DIAPH1: variants seen among roughly 807,000 people sequenced by gnomAD.
The protein encoded by DIAPH1 is protein diaphanous homolog 1.
DIAPH1 carries 46 observed loss-of-function variants against 140.7 expected under a neutral mutation model. That is an observed-to-expected ratio of 0.33 (90% CI 0.26 to 0.42). The LOEUF (loss-of-function observed/expected upper bound fraction) is 0.42. DIAPH1 is among the 10% of genes least tolerant of loss of function. The probability of loss-of-function intolerance (pLI) is 1.00; values close to 1 mark genes in which losing one functional copy is unlikely to be tolerated. For missense variants in DIAPH1, 1,310 were observed against 1,558.7 expected (o/e 0.84, Z 2.69); for synonymous variants, 565 against 551.6 (o/e 1.02, Z -0.34).
chr5:141,531,546 G>A (rs774224792), intron 19 of DIAPH1, among the ~76,000 whole-genome samples: 1 of 152,050 alleles, frequency 6.6e-6, no homozygotes, highest in Admixed American at 6.6e-5. Context: ...GGTGTGCAAC[G>A]GCATGGTGTT....
intron 1 of DIAPH1, among the ~76,000 whole-genome samples, chr5:141,590,691 C>T (rs1223966983): frequency 2.0e-5 from 3 of 151,120 alleles, no homozygotes; most frequent in East Asian, 3.9e-4. Flanking sequence ...ACAGAACCTG[C>T]GTCTAAAGAA....
chr5:141,617,097 G>A (rs1397858882), intron 1 of DIAPH1, among the ~76,000 whole-genome samples: 1 of 152,040 alleles, frequency 6.6e-6, no homozygotes, highest in Non-Finnish European at 1.5e-5. Context: ...ATTTGGGTGA[G>A]GAAGGTCAAA....
rs573687016 is a variant in DIAPH1 at position 141,546,107 on chromosome 5, G to A, written c.2483-11674C>T. ...AAAACATATGAGACTCTGGGGCCGG[G>A]CACAGTGGCTCATGCCTGTATCCCA... On this transcript the variant is annotated intron_variant, in intron 18 of 27. Coordinates refer to ENST00000389054, the MANE Select transcript of DIAPH1 (RefSeq NM_005219.5). Among the ~76,000 whole-genome samples, 41 of 152,290 alleles carry A rather than the reference G, an allele frequency of 2.7e-4. No individual in the cohort carries two copies. The South Asian group carries it at 6.2e-3, about 23-fold the overall frequency.
intron 13 of DIAPH1, 52 bp from the exon 14 acceptor site, chr5:141,576,346 T>G: frequency 9.1e-6 from 12 of 1,312,794 alleles, no homozygotes; most frequent in Non-Finnish European, 1.3e-5. Context: ...TTGTTCTATT[T>G]CTTTCACACT....
chr5:141,519,077 C>CGA, intron 27 of DIAPH1: 1 of 1,303,618 alleles, frequency 7.7e-7, no homozygotes, highest in Non-Finnish European at 1.1e-6. Flanking sequence ...GGTATGTGCC[C>CGA]GAGACTGTGG....
At position 141,600,395 on chromosome 5, in the gene DIAPH1, T is replaced by G. The variant is rs1252837917; in HGVS notation, c.118-12145A>C. Reference sequence around the variant, plus strand: ...CCCAGATACACAATCCATGCCAAACTTCTGACCAACAGAACTATGAGCTAA... The same window carrying G: ...CCCAGATACACAATCCATGCCAAACGTCTGACCAACAGAACTATGAGCTAA... On this transcript the variant is annotated intron_variant, in intron 1 of 27. Transcript: ENST00000389054. Among the ~76,000 whole-genome samples, 3 of 152,210 alleles carry G rather than the reference T, an allele frequency of 2.0e-5. No individual in the cohort carries two copies. In the East Asian group the frequency reaches 5.8e-4, roughly 29 times the overall value.
intron 6 of DIAPH1, among the ~76,000 whole-genome samples, chr5:141,582,797 C>T (rs1332655991): frequency 6.6e-6 from 1 of 152,058 alleles, no homozygotes; most frequent in African/African-American, 2.4e-5. Flanking sequence ...TTCAAGGTAG[C>T]CTAAGAGAGT....
In DIAPH1 at chr5:141,540,170, G is replaced by A. The variant is rs112325172; in HGVS notation, c.2483-5737C>T. Among the ~76,000 whole-genome samples, 29 of 151,852 alleles carry A rather than the reference G, an allele frequency of 1.9e-4. No individual in the cohort carries two copies. The East Asian group carries it at 4.3e-3, about 22-fold the overall frequency. Reference sequence around the variant, plus strand: ...CTTGCTCTGTCACCCAGGCTAGAGCGCAGTGACATGATCTCAGCCCACTGC... The same window carrying A: ...CTTGCTCTGTCACCCAGGCTAGAGCACAGTGACATGATCTCAGCCCACTGC... On this transcript the variant is annotated intron_variant, in intron 18 of 27. Transcript: ENST00000389054.
chr5:141,594,536 G>T (rs13154666), intron 1 of DIAPH1, among the ~76,000 whole-genome samples: 1 of 152,186 alleles, frequency 6.6e-6, no homozygotes, highest in African/African-American at 2.4e-5. Flanking sequence ...GAGACCAGGA[G>T]GTTGAGGCCA....
intron 19 of DIAPH1, among the ~76,000 whole-genome samples, chr5:141,530,917 A>G (rs1475491031): frequency 1.3e-5 from 2 of 152,210 alleles, no homozygotes; most frequent in South Asian, 4.1e-4. Flanking sequence ...GTGTCAACAG[A>G]AGAGGCAGCC....
intron 1 of DIAPH1, among the ~76,000 whole-genome samples, chr5:141,604,457 A>G (rs925593943): frequency 1.3e-5 from 2 of 152,184 alleles, no homozygotes; most frequent in African/African-American, 4.8e-5. Flanking sequence ...TCATTTAGAA[A>G]TAGTCAGTGA....
intron 18 of DIAPH1, among the ~76,000 whole-genome samples, chr5:141,547,758 G>C (rs1289770747): frequency 6.6e-6 from 1 of 152,162 alleles, no homozygotes. Flanking sequence ...GATTTGAAGA[G>C]AAAATAGTTG....
At chr5:141,588,532 G>A (rs1482479984) in intron 1 of DIAPH1, among the ~76,000 whole-genome samples, 4 of 150,144 alleles carry the variant, frequency 2.7e-5, no homozygotes, top group African/African-American at 4.9e-5. Context: ...TCTGATGACC[G>A]ATACACTTAT....
At position 141,606,961 on chromosome 5, in the gene DIAPH1, T is replaced by TA. The variant is rs200373966; in HGVS notation, c.117+11836dup. ...AAATAATCAAGATTCCCAAGGCTAT[T>TA]AAAAAAAAAAAAAAAGGAAGCAAAC... On this transcript the variant is annotated intron_variant, in intron 1 of 27. Transcript: ENST00000389054. 8.4e-3 allele frequency among the ~76,000 whole-genome samples: 975 copies of TA among 116,340 alleles called. 8 individuals carry two copies. The highest frequency in any genetic ancestry group is 0.021 in the African/African-American group (657 of 31,610). The allele number at this position is 116,340 out of a possible 152,430, so 76.3% of individuals were successfully genotyped here.
At chr5:141,549,427 A>C (rs1001264891) in intron 18 of DIAPH1, among the ~76,000 whole-genome samples, 6 of 152,198 alleles carry the variant, frequency 3.9e-5, no homozygotes, top group African/African-American at 1.4e-4. Context: ...AGGCTGAAAA[A>C]GACAAATCCA....
At chr5:141,590,591 T>C (rs765647993) in intron 1 of DIAPH1, among the ~76,000 whole-genome samples, 1 of 152,156 alleles carries the variant, frequency 6.6e-6, no homozygotes, top group Admixed American at 6.5e-5. Flanking sequence ...CCCAGAGTCA[T>C]TGCTTCCAAA....
chr5:141,560,673 T>A, intron 18 of DIAPH1: 1 of 302,648 alleles, frequency 3.3e-6, no homozygotes, highest in East Asian at 8.9e-5. Flanking sequence ...CTCTGCTGTA[T>A]CTCACCCACG....
chr5:141,529,850 A>G (rs450642), intron 19 of DIAPH1, among the ~76,000 whole-genome samples, 153 bp from the exon 20 acceptor site: 1 of 152,120 alleles, frequency 6.6e-6, no homozygotes, highest in Non-Finnish European at 1.5e-5. Flanking sequence ...TCGGGAGGCC[A>G]AGGTGGGCGG....
chr5:141,580,222 AT>A (rs1235944431), intron 8 of DIAPH1, among the ~76,000 whole-genome samples: 1 of 152,184 alleles, frequency 6.6e-6, no homozygotes, highest in Non-Finnish European at 1.5e-5. Context: ...CATAAGTGTC[AT>A]TCCTCAGCTC....
Sources: allele counts gnomAD v4.1 joint callset (sites outside exome capture counted in the v4.1 genomes callset), GRCh38; gene constraint gnomAD v4.1.1; transcripts MANE v1.5; gene names NCBI Gene and HGNC (gene_info 2026-07-23, HGNC 2026-07-21).